Variants in HS3ST3A1 observed in about 807,000 individuals in gnomAD.
HS3ST3A1 encodes heparan sulfate glucosamine 3-O-sulfotransferase 3A1.
Under a neutral mutation model 25.7 loss-of-function variants are expected in HS3ST3A1, and 19 were observed. That is an observed-to-expected ratio of 0.74 (90% confidence interval 0.52 to 1.08). HS3ST3A1 has a LOEUF of 1.08. HS3ST3A1 is among the 50% of genes least tolerant of loss of function. The pLI is 0.00. For missense variants in HS3ST3A1, 459 were observed against 594.3 expected (o/e 0.77, Z 2.37); for synonymous variants, 226 against 278.6 (o/e 0.81, Z 1.88).
At chr17:13,592,959 G>A (rs1908469397) in intron 1 of HS3ST3A1, among the ~76,000 whole-genome samples, 1 of 152,108 alleles carries the variant, frequency 6.6e-6, no homozygotes, top group Admixed American at 6.5e-5. Context: ...ATCCTCCAGA[G>A]GTCTGAAGGT....
Position 13,538,357 on chromosome 17 carries a change from T to C in HS3ST3A1, c.600-41539A>G, listed in dbSNP as rs201301350. ...TAGCCACAGAAGTGATCTGACCATT[T>C]TGCAAGTCATCAAGGTTGTCTGTTG... On this transcript the variant is annotated intron_variant, in intron 1 of 1. Transcript: ENST00000284110. 2.6e-5 allele frequency among the ~76,000 whole-genome samples: 4 copies of C among 152,242 alleles called. No individual in the cohort carries two copies. In the East Asian group the frequency reaches 7.7e-4, roughly 29 times the overall value.
chr17:13,589,363 T>C (rs1473063139), intron 1 of HS3ST3A1, among the ~76,000 whole-genome samples: 3 of 152,152 alleles, frequency 2.0e-5, no homozygotes, highest in African/African-American at 7.2e-5. Context: ...ATCCCCAGAA[T>C]TGTCATCACA....
intron 1 of HS3ST3A1, among the ~76,000 whole-genome samples, chr17:13,548,084 T>G (rs1907137909): frequency 6.6e-6 from 1 of 152,232 alleles, no homozygotes; most frequent in African/African-American, 2.4e-5. Context: ...GTAGCCATTT[T>G]CATTGTCTGA....
chr17:13,541,894 C>A (rs1906942967), intron 1 of HS3ST3A1, among the ~76,000 whole-genome samples: 1 of 152,120 alleles, frequency 6.6e-6, no homozygotes, highest in Non-Finnish European at 1.5e-5. Context: ...TGTAGTAAAG[C>A]ATGTTGAAGG....
intron 1 of HS3ST3A1, among the ~76,000 whole-genome samples, chr17:13,514,693 G>A (rs184719797): frequency 2.0e-5 from 3 of 152,284 alleles, no homozygotes; most frequent in East Asian, 1.9e-4. Flanking sequence ...TAGGTATGGC[G>A]TTTCCTTTTG....
chr17:13,551,686 G>T (rs1320515025), intron 1 of HS3ST3A1, among the ~76,000 whole-genome samples: 1 of 151,150 alleles, frequency 6.6e-6, no homozygotes, highest in African/African-American at 2.4e-5. Flanking sequence ...CTTCATGCTT[G>T]TCCTCAAACA....
intron 1 of HS3ST3A1, among the ~76,000 whole-genome samples, chr17:13,576,520 C>T (rs191206568): frequency 2.4e-4 from 37 of 152,348 alleles, no homozygotes; most frequent in African/African-American, 8.7e-4. Context: ...CATCTCATCA[C>T]TTCTCTTATA....
At chr17:13,582,048 C>CA (rs1220339662) in intron 1 of HS3ST3A1, among the ~76,000 whole-genome samples, 1 of 151,212 alleles carries the variant, frequency 6.6e-6, no homozygotes, top group Non-Finnish European at 1.5e-5. Context: ...AACAGACACA[C>CA]AAAAAAAGAC....
chr17:13,501,411 C>T (rs1303676644), intron 1 of HS3ST3A1, among the ~76,000 whole-genome samples: 1 of 152,088 alleles, frequency 6.6e-6, no homozygotes, highest in South Asian at 2.1e-4. Flanking sequence ...GGAGGACAAA[C>T]ATTTCAGTGG....
chr17:13,573,615 T>C (rs1425133624), intron 1 of HS3ST3A1, among the ~76,000 whole-genome samples: 1 of 152,234 alleles, frequency 6.6e-6, no homozygotes, highest in Non-Finnish European at 1.5e-5. Context: ...GCTGTGTCTC[T>C]GGCAGAGTTC....
chr17:13,557,643 C>A (rs7211449), intron 1 of HS3ST3A1, among the ~76,000 whole-genome samples: 46,530 of 151,916 alleles, frequency 0.31, 9,238 homozygotes, highest in African/African-American at 0.57. Context: ...GACAGGTGAA[C>A]TCATTCAAAG....
chr17:13,504,930 G>A (rs1465584996), intron 1 of HS3ST3A1, among the ~76,000 whole-genome samples: 2 of 152,304 alleles, frequency 1.3e-5, no homozygotes, highest in East Asian at 3.9e-4. Flanking sequence ...TTTCAAGAGT[G>A]TGAACTCAGA....
intron 1 of HS3ST3A1, among the ~76,000 whole-genome samples, chr17:13,580,587 G>A (rs1000122367): frequency 6.6e-6 from 1 of 152,094 alleles, no homozygotes; most frequent in Admixed American, 6.6e-5. Flanking sequence ...GATTTTAGGG[G>A]TAAGACTCAG....
intron 1 of HS3ST3A1, among the ~76,000 whole-genome samples, chr17:13,569,697 T>C (rs1416203080): frequency 6.6e-6 from 1 of 152,204 alleles, no homozygotes; most frequent in Non-Finnish European, 1.5e-5. Flanking sequence ...GAAACTTTAA[T>C]GCAAGAGACC....
intron 1 of HS3ST3A1, among the ~76,000 whole-genome samples, chr17:13,574,423 C>T (rs1403037183): frequency 6.6e-6 from 1 of 151,126 alleles, no homozygotes; most frequent in East Asian, 2.1e-4. Context: ...GGCCCTATCA[C>T]TCTTAAAACA....
At chr17:13,551,668 A>G (rs371969224) in intron 1 of HS3ST3A1, among the ~76,000 whole-genome samples, 3 of 151,690 alleles carry the variant, frequency 2.0e-5, no homozygotes, top group South Asian at 2.1e-4. Flanking sequence ...AATTGTATTC[A>G]CTTACTTCTT....
At chr17:13,516,343 T>C (rs917187727) in intron 1 of HS3ST3A1, among the ~76,000 whole-genome samples, 5 of 152,096 alleles carry the variant, frequency 3.3e-5, no homozygotes, top group South Asian at 2.1e-4. Context: ...TAAATAAAAG[T>C]TCTTTATATA....
chr17:13,561,981 G>A (rs1217506155), intron 1 of HS3ST3A1, among the ~76,000 whole-genome samples: 1 of 152,122 alleles, frequency 6.6e-6, no homozygotes, highest in Non-Finnish European at 1.5e-5. Context: ...ACTGGGCCCA[G>A]GAGCTTAGCT....
At chr17:13,594,385 C>T (rs986161211) in intron 1 of HS3ST3A1, among the ~76,000 whole-genome samples, 1 of 152,094 alleles carries the variant, frequency 6.6e-6, no homozygotes, top group Non-Finnish European at 1.5e-5. Context: ...ACTCTCAAAG[C>T]GCTTTCCTGT....
Sources: gnomAD v4.1 joint callset for allele counts (sites outside exome capture counted in the v4.1 genomes callset) on GRCh38, gnomAD v4.1.1 for gene constraint, MANE v1.5 for transcripts, NCBI Gene and HGNC (gene_info 2026-07-23, HGNC 2026-07-21) for gene names.